The following NRXN3 variants were observed in gnomAD, a reference collection of about 807,000 sequenced individuals.
NRXN3 encodes neurexin III.
In NRXN3, 32 loss-of-function variants were observed where a neutral mutation model predicts 137.6. The observed-to-expected ratio is 0.23, with a 90% CI of 0.18 to 0.31. The LOEUF is 0.31. Ranked by LOEUF, NRXN3 falls within the 10% of genes least tolerant of loss-of-function variation. The pLI, the probability that NRXN3 is intolerant of heterozygous loss-of-function variation, is 1.00. For missense variants in NRXN3, 1,574 were observed against 2,062.5 expected, an observed-to-expected ratio of 0.76 and a Z score of 4.59; for synonymous variants, 798 against 784.5, an observed-to-expected ratio of 1.02 and a Z score of -0.29.
At chr14:78,462,836 C>T (rs1002536527) in intron 4 of NRXN3, among the ~76,000 whole-genome samples, 1 of 152,156 alleles carries the variant, frequency 6.6e-6, no homozygotes, top group African/African-American at 2.4e-5. Context: ...ACTACTCTGA[C>T]ACATTGGTTG....
At chr14:78,670,445 C>T (rs1181129782) in intron 6 of NRXN3, among the ~76,000 whole-genome samples, 4 of 152,180 alleles carry the variant, frequency 2.6e-5, no homozygotes, top group African/African-American at 9.7e-5. Context: ...AACCTCCTTT[C>T]TCATCCTGTG....
intron 1 of NRXN3, among the ~76,000 whole-genome samples, chr14:78,176,940 G>T (rs563149726): frequency 2.6e-4 from 39 of 152,232 alleles, no homozygotes; most frequent in African/African-American, 8.9e-4. Context: ...AAGAAGACTG[G>T]TGGGCTATAT....
At chr14:78,238,110 C>A (rs2066560086) in intron 1 of NRXN3, among the ~76,000 whole-genome samples, 1 of 151,546 alleles carries the variant, frequency 6.6e-6, no homozygotes, top group African/African-American at 2.4e-5. Context: ...CACCTTGTGG[C>A]AAATAGCCCA....
chr14:78,937,563 C>T (rs2099344641), intron 10 of NRXN3, among the ~76,000 whole-genome samples: 1 of 152,090 alleles, frequency 6.6e-6, no homozygotes, highest in African/African-American at 2.4e-5. Flanking sequence ...AAAAATCTAA[C>T]AGTAATAGAG....
At chr14:78,972,691 G>A (rs191081867) in intron 14 of NRXN3, among the ~76,000 whole-genome samples, 14 of 152,158 alleles carry the variant, frequency 9.2e-5, no homozygotes, top group East Asian at 7.7e-4. Flanking sequence ...CCTGGTCTGC[G>A]CGTCCCCCTC....
intron 16 of NRXN3, among the ~76,000 whole-genome samples, chr14:79,547,694 G>A (rs568494885): frequency 6.6e-6 from 1 of 152,160 alleles, no homozygotes; most frequent in East Asian, 1.9e-4. Flanking sequence ...CAGTAAGGAG[G>A]TTGGGGAGCT....
intron 8 of NRXN3, among the ~76,000 whole-genome samples, chr14:78,731,168 A>G (rs1190976062): frequency 2.0e-5 from 3 of 152,136 alleles, no homozygotes; most frequent in Non-Finnish European, 4.4e-5. Context: ...GACAATTGAT[A>G]TAATGAATCT....
At chr14:79,853,716 A>G (rs2099396693) in intron 20 of NRXN3, 2 of 1,194,216 alleles carry the variant, frequency 1.7e-6, no homozygotes, top group African/African-American at 1.6e-5. Flanking sequence ...GTTAAAATTT[A>G]TGTGCTGTCA....
At chr14:78,983,119 CAAA>C (rs1195822797) in intron 14 of NRXN3, among the ~76,000 whole-genome samples, 1 of 152,050 alleles carries the variant, frequency 6.6e-6, no homozygotes, top group Non-Finnish European at 1.5e-5. Flanking sequence ...TAGCTACTAT[CAAA>C]AAGACAAAAA....
intron 15 of NRXN3, among the ~76,000 whole-genome samples, chr14:79,430,431 G>T (rs1455436605): frequency 1.3e-5 from 2 of 152,148 alleles, no homozygotes; most frequent in Admixed American, 1.3e-4. Flanking sequence ...TGTGCAAATG[G>T]TAGTTGCACA....
intron 15 of NRXN3, among the ~76,000 whole-genome samples, chr14:79,348,378 C>CTCTCTTTTTTT (rs535595782): frequency 1.5e-5 from 2 of 135,974 alleles, no homozygotes; most frequent in African/African-American, 5.8e-5. Flanking sequence ...AATCTTCTCT[C>CTCTCTTTTTTT]TTTTTTTTTT....
intron 4 of NRXN3, among the ~76,000 whole-genome samples, chr14:78,323,819 G>A (rs2079701864): frequency 6.6e-6 from 1 of 152,042 alleles, no homozygotes; most frequent in Non-Finnish European, 1.5e-5. Flanking sequence ...CTGATGGTCA[G>A]ATATCAGGTT....
chr14:79,662,101 G>C (rs1003989519), intron 16 of NRXN3, among the ~76,000 whole-genome samples: 5 of 152,064 alleles, frequency 3.3e-5, no homozygotes, highest in African/African-American at 1.2e-4. Context: ...GGATGTGTTT[G>C]CTTTCCAGGC....
At chr14:78,954,735 GA>G (rs972803999) in intron 10 of NRXN3, among the ~76,000 whole-genome samples, 1 of 150,658 alleles carries the variant, frequency 6.6e-6, no homozygotes, top group Non-Finnish European at 1.5e-5. Flanking sequence ...AAAGTTCTGG[GA>G]TTACAGGCGT....
At chr14:78,593,701 G>T (rs1028602624) in intron 4 of NRXN3, among the ~76,000 whole-genome samples, 2 of 152,148 alleles carry the variant, frequency 1.3e-5, no homozygotes, top group African/African-American at 2.4e-5. Context: ...GGTCGAGGAG[G>T]GGGTGGGGAA....
chr14:79,850,499 C>G (rs997966034), intron 20 of NRXN3, among the ~76,000 whole-genome samples: 1 of 152,052 alleles, frequency 6.6e-6, no homozygotes, highest in Non-Finnish European at 1.5e-5. Flanking sequence ...AAACAAGTTC[C>G]CAAGATGAAT....
chr14:79,467,446 G>A (rs757731278), intron 16 of NRXN3, 44 bp downstream of exon 16: 1 of 1,510,404 alleles, frequency 6.6e-7, no homozygotes, highest in African/African-American at 1.4e-5. Flanking sequence ...GTTACTGGTG[G>A]TCTGAGTTAG....
chr14:79,342,974 G>A (rs1206071998), intron 15 of NRXN3, among the ~76,000 whole-genome samples: 1 of 152,124 alleles, frequency 6.6e-6, no homozygotes, highest in Non-Finnish European at 1.5e-5. Flanking sequence ...GGCTTGGGAA[G>A]TGGGGATTGG....
intron 4 of NRXN3, among the ~76,000 whole-genome samples, chr14:78,427,962 T>C (rs2093725244): frequency 6.6e-6 from 1 of 152,228 alleles, no homozygotes; most frequent in Non-Finnish European, 1.5e-5. Flanking sequence ...AGGCACCAAA[T>C]GACTTTGGAG....
Sources: allele counts gnomAD v4.1 joint callset (sites outside exome capture counted in the v4.1 genomes callset), GRCh38; gene constraint gnomAD v4.1.1; transcripts MANE v1.5; gene names NCBI Gene and HGNC (gene_info 2026-07-23, HGNC 2026-07-21).